Variants in RELCH observed in about 807,000 individuals in gnomAD.
RELCH encodes RAB11 binding and LisH domain, coiled-coil and HEAT repeat containing.
A neutral mutation model predicts 150.3 loss-of-function variants in RELCH; 41 were observed. The observed-to-expected ratio is 0.27, with a 90% CI of 0.21 to 0.35. The LOEUF (loss-of-function observed/expected upper bound fraction) is 0.35, where lower values mean the gene tolerates loss of function less well. Among genes scored for constraint, RELCH ranks in the 10% least tolerant of loss-of-function variants. The probability of loss-of-function intolerance (pLI) is 1.00; values close to 1 mark genes in which losing one functional copy is unlikely to be tolerated. For missense variants in RELCH, 1,092 were observed against 1,467.8 expected (o/e 0.74, Z 4.18); for synonymous variants, 478 against 531.8 (o/e 0.90, Z 1.39).
intron 1 of RELCH, among the ~76,000 whole-genome samples, chr18:62,208,185 A>T (rs1054571466): frequency 6.6e-6 from 1 of 152,052 alleles, no homozygotes; most frequent in Non-Finnish European, 1.5e-5. Context: ...GGCCATTTCC[A>T]TATCTTCTTT....
chr18:62,255,085 T>C (rs1382984839), intron 12 of RELCH, among the ~76,000 whole-genome samples: 3 of 152,116 alleles, frequency 2.0e-5, no homozygotes, highest in Non-Finnish European at 4.4e-5. Context: ...TATTCTACTC[T>C]TGCTAGGGAA....
chr18:62,262,400 G>A (rs955155017), intron 16 of RELCH, among the ~76,000 whole-genome samples: 1 of 151,994 alleles, frequency 6.6e-6, no homozygotes, highest in Non-Finnish European at 1.5e-5. Flanking sequence ...GTGTCTAATG[G>A]ACAAAGAATT....
intron 8 of RELCH, among the ~76,000 whole-genome samples, chr18:62,230,353 T>C (rs2041493961): frequency 6.6e-6 from 1 of 152,008 alleles, no homozygotes; most frequent in Non-Finnish European, 1.5e-5. Flanking sequence ...GGAAGGATTA[T>C]GGTCCCCCTC....
At chr18:62,232,022 A>C (rs1028040949) in intron 9 of RELCH, among the ~76,000 whole-genome samples, 3 of 151,710 alleles carry the variant, frequency 2.0e-5, no homozygotes, top group African/African-American at 7.3e-5. Context: ...AGGCTGCCCT[A>C]CTCCTGTGCT....
chr18:62,201,799 C>G (rs1428365944), intron 1 of RELCH, among the ~76,000 whole-genome samples: 1 of 152,066 alleles, frequency 6.6e-6, no homozygotes, highest in Admixed American at 6.6e-5. Flanking sequence ...AGTAGTTGTT[C>G]AATAAATATT....
Position 62,287,450 on chromosome 18 carries a change from G to C in RELCH, c.3353G>C (p.Ser1118Thr). The change falls in exon 26 of 29, where the codon AGT becomes ACT. Residue 1118 changes from serine (S) to threonine (T), a missense_variant. Around this residue, in one of 4 missense-constraint regions of RELCH, gnomAD observed 707 missense variants for 1,025.4 expected, o/e 0.69. Coordinates refer to ENST00000644646, the MANE Select transcript of RELCH (RefSeq NM_001346231.2). ...GCTACGCATCTTTTTGAAGCCTACA[G>C]TGCACTTTCCTGTTGTTGTATCCTT... ...DIATHLFEAYSALSCCFISED... is the reference protein window; with the variant it reads ...DIATHLFEAYTALSCCFISED... 1 of 1,579,836 alleles carries C rather than the reference G, an allele frequency of 6.3e-7. No homozygotes were observed. Among genetic ancestry groups the C allele is most frequent in the Middle Eastern group, 1.7e-4 (1 of 5,994 alleles).
intron 1 of RELCH, among the ~76,000 whole-genome samples, chr18:62,194,329 A>G (rs917829522): frequency 2.0e-5 from 3 of 152,136 alleles, no homozygotes; most frequent in African/African-American, 7.2e-5. Context: ...TTCTTTAATA[A>G]TTTATGTTCT....
At chr18:62,253,219 G>A (rs1381673471) in intron 12 of RELCH, among the ~76,000 whole-genome samples, 2 of 149,766 alleles carry the variant, frequency 1.3e-5, no homozygotes, top group African/African-American at 4.9e-5. Flanking sequence ...GATGCAACAA[G>A]AACAAAGGCC....
At chr18:62,302,938 TC>T (rs2045729967) in intron 28 of RELCH, among the ~76,000 whole-genome samples, 1 of 152,180 alleles carries the variant, frequency 6.6e-6, no homozygotes, top group Admixed American at 6.5e-5. Context: ...CTTGAAAACT[TC>T]CAGTGAGGAT....
chr18:62,213,722 T>A, intron 2 of RELCH, among the ~76,000 whole-genome samples: 1 of 93,974 alleles, frequency 1.1e-5, no homozygotes, highest in Non-Finnish European at 1.9e-5. Context: ...AGAGTGAGAC[T>A]CAGTCTCAAA....
chr18:62,247,982 C>T (rs2042509402), intron 11 of RELCH, among the ~76,000 whole-genome samples: 1 of 152,108 alleles, frequency 6.6e-6, no homozygotes, highest in South Asian at 2.1e-4. Flanking sequence ...TCCTGATGGA[C>T]AAAATGTAAA....
intron 1 of RELCH, among the ~76,000 whole-genome samples, chr18:62,202,593 G>A (rs1213282867): frequency 6.6e-6 from 1 of 152,120 alleles, no homozygotes; most frequent in Non-Finnish European, 1.5e-5. Context: ...CAACGGCCAT[G>A]ATAATGCCAA....
chr18:62,229,128 G>A (rs2041396712), intron 8 of RELCH, among the ~76,000 whole-genome samples: 1 of 151,982 alleles, frequency 6.6e-6, no homozygotes, highest in Non-Finnish European at 1.5e-5. Context: ...TTGTGATTAT[G>A]TTTCCTAGTG....
chr18:62,250,509 T>A (rs1447439995), intron 11 of RELCH, among the ~76,000 whole-genome samples: 1 of 152,250 alleles, frequency 6.6e-6, no homozygotes, highest in East Asian at 1.9e-4. Flanking sequence ...TTTTCCATTT[T>A]CCTTTCATTC....
chr18:62,304,100 G>T (rs1398747090), intron 28 of RELCH, among the ~76,000 whole-genome samples: 4 of 152,200 alleles, frequency 2.6e-5, no homozygotes, highest in African/African-American at 9.7e-5. Context: ...GAGTTAAAAT[G>T]GAGAGTTATT....
intron 19 of RELCH, among the ~76,000 whole-genome samples, chr18:62,267,958 C>T (rs2043679293): frequency 6.6e-6 from 1 of 151,962 alleles, no homozygotes; most frequent in South Asian, 2.1e-4. Context: ...AAAAGGTACT[C>T]TCACCAAGAG....
intron 24 of RELCH, among the ~76,000 whole-genome samples, 172 bp downstream of exon 24, chr18:62,280,881 C>T (rs962497579): frequency 6.6e-6 from 1 of 152,134 alleles, no homozygotes; most frequent in Non-Finnish European, 1.5e-5. Flanking sequence ...AGGTATATTT[C>T]CATATCCTAA....
At chr18:62,193,895 T>A (rs2038832761) in intron 1 of RELCH, among the ~76,000 whole-genome samples, 1 of 152,226 alleles carries the variant, frequency 6.6e-6, no homozygotes, top group Non-Finnish European at 1.5e-5. Flanking sequence ...ATGTGCATTA[T>A]CAAATGTGAA....
chr18:62,241,784 T>C (rs1471395540), intron 10 of RELCH, among the ~76,000 whole-genome samples: 2 of 152,192 alleles, frequency 1.3e-5, no homozygotes, highest in African/African-American at 4.8e-5. Context: ...CTGAAAATGG[T>C]AAATACAGAC....
Sources: gnomAD v4.1 joint callset for allele counts (sites outside exome capture counted in the v4.1 genomes callset) on GRCh38, gnomAD v4.1.1 for gene constraint, gnomAD v4.1.1 regional missense constraint, MANE v1.5 for transcripts, NCBI Gene and HGNC (gene_info 2026-07-23, HGNC 2026-07-21) for gene names.